Variants in DSCAM observed in about 807,000 individuals in gnomAD.
The protein encoded by DSCAM is DS cell adhesion molecule, also known as cell adhesion molecule DSCAM.
Under a neutral mutation model 217.7 loss-of-function variants are expected in DSCAM, and 47 were observed. That is an observed-to-expected ratio of 0.22 (90% CI 0.17 to 0.28). The LOEUF (loss-of-function observed/expected upper bound fraction) is 0.28, where lower values mean the gene tolerates loss of function less well. DSCAM is among the 10% of genes least tolerant of loss of function. The pLI, the probability that DSCAM is intolerant of heterozygous loss-of-function variation, is 1.00. For missense variants in DSCAM, 2,080 were observed against 2,618.3 expected, an observed-to-expected ratio of 0.79 and a Z score of 4.49; for synonymous variants, 1,056 against 1,015.3, an observed-to-expected ratio of 1.04 and a Z score of -0.76.
chr21:40,345,564 T>A (rs73355324), intron 6 of DSCAM, among the ~76,000 whole-genome samples: 300 of 152,206 alleles, frequency 2.0e-3, no homozygotes, highest in African/African-American at 6.8e-3. Context: ...CCTGAACTTA[T>A]AATTATTAAA....
At chr21:40,487,478 G>A (rs991649984) in intron 3 of DSCAM, among the ~76,000 whole-genome samples, 3 of 152,082 alleles carry the variant, frequency 2.0e-5, no homozygotes, top group East Asian at 3.9e-4. Context: ...GGCTGGAGGG[G>A]GCTGCTGGAG....
intron 20 of DSCAM, among the ~76,000 whole-genome samples, chr21:40,115,422 G>A (rs572599566): frequency 2.0e-5 from 3 of 152,268 alleles, no homozygotes; most frequent in Admixed American, 2.0e-4. Flanking sequence ...TGTGGGGTGC[G>A]GGGACGGGGG....
chr21:40,244,747 G>A (rs563800962), intron 11 of DSCAM, among the ~76,000 whole-genome samples: 100 of 152,136 alleles, frequency 6.6e-4, no homozygotes, highest in Non-Finnish European at 1.2e-3. Context: ...AGCCAGAAAA[G>A]CCCCAGAAGT....
chr21:40,064,818 G>T (rs1235466332), intron 27 of DSCAM, among the ~76,000 whole-genome samples: 1 of 152,186 alleles, frequency 6.6e-6, no homozygotes, highest in Non-Finnish European at 1.5e-5. Flanking sequence ...GAGCTAAGGA[G>T]ATGTGACTTT....
intron 1 of DSCAM, among the ~76,000 whole-genome samples, chr21:40,776,471 G>T (rs1000204015): frequency 3.3e-5 from 5 of 152,188 alleles, no homozygotes; most frequent in Non-Finnish European, 5.9e-5. Flanking sequence ...GATCTCTGAT[G>T]CTCTGAGATA....
intron 2 of DSCAM, among the ~76,000 whole-genome samples, chr21:40,697,726 T>C (rs189791809): frequency 1.3e-5 from 2 of 152,374 alleles, no homozygotes; most frequent in African/African-American, 4.8e-5. Flanking sequence ...TGCTATAGTA[T>C]GCCAGTACTA....
In DSCAM at chr21:40,347,666, T is replaced by C; in HGVS notation, c.1210+4A>G. The C allele has an allele frequency of 6.2e-7, 1 of 1,613,420 alleles. No individual in the cohort carries two copies. The highest frequency in any genetic ancestry group is 8.5e-7 in the Non-Finnish European group (1 of 1,179,822). ...AGCCATACCCTGAAACGAGGCCCAC[T>C]GACCTTCAAGGACCACCTGCACATA... On this transcript the variant is annotated splice_donor_region_variant and intron_variant, in intron 6 of 32. Transcript: ENST00000400454.
At chr21:40,818,560 A>C (rs1488421328) in intron 1 of DSCAM, among the ~76,000 whole-genome samples, 59 of 94,456 alleles carry the variant, frequency 6.2e-4, no homozygotes, top group African/African-American at 5.3e-3. Context: ...AAAAAAAAAA[A>C]AAAAAAAAAA....
intron 11 of DSCAM, among the ~76,000 whole-genome samples, chr21:40,266,655 AT>A (rs1569031941): frequency 1.8e-4 from 22 of 124,972 alleles, no homozygotes; most frequent in African/African-American, 6.7e-4. Context: ...ATATATATAT[AT>A]ATATATATAT....
At chr21:40,087,334 C>A in intron 21 of DSCAM, 47 bp from the exon 22 acceptor site, 1 of 1,468,296 alleles carries the variant, frequency 6.8e-7, no homozygotes, top group South Asian at 1.1e-5. Flanking sequence ...ACAGACGTGT[C>A]TACACAGAGG....
intron 1 of DSCAM, among the ~76,000 whole-genome samples, chr21:40,743,903 G>A (rs1314775866): frequency 6.6e-6 from 1 of 152,132 alleles, no homozygotes; most frequent in East Asian, 1.9e-4. Flanking sequence ...CAGAATAGAA[G>A]ACACCCTGAC....
At chr21:40,664,304 CA>C (rs2090175187) in intron 3 of DSCAM, among the ~76,000 whole-genome samples, 1 of 152,160 alleles carries the variant, frequency 6.6e-6, no homozygotes, top group African/African-American at 2.4e-5. Flanking sequence ...TGTATTTTCT[CA>C]TCATATTTGT....
intron 1 of DSCAM, among the ~76,000 whole-genome samples, chr21:40,733,601 C>T (rs2091034456): frequency 6.6e-6 from 1 of 152,198 alleles, no homozygotes; most frequent in Non-Finnish European, 1.5e-5. Flanking sequence ...TGCCTCTGAG[C>T]ATGGCACCCA....
At chr21:40,020,455 C>T (rs1044217259) in intron 32 of DSCAM, among the ~76,000 whole-genome samples, 1 of 151,744 alleles carries the variant, frequency 6.6e-6, no homozygotes, top group African/African-American at 2.4e-5. Flanking sequence ...AGGGGAGGGA[C>T]AAAGAGGTAG....
chr21:40,166,490 A>G (rs961373173), intron 16 of DSCAM, among the ~76,000 whole-genome samples: 1 of 152,224 alleles, frequency 6.6e-6, no homozygotes, highest in Non-Finnish European at 1.5e-5. Flanking sequence ...TACTGACCTG[A>G]AGGCCATGGA....
intron 3 of DSCAM, among the ~76,000 whole-genome samples, chr21:40,400,900 A>G (rs2075227808): frequency 6.6e-6 from 1 of 152,234 alleles, no homozygotes; most frequent in Non-Finnish European, 1.5e-5. Context: ...ACAGGTTTCA[A>G]TATATAACAC....
chr21:40,548,849 G>C lies in DSCAM; in HGVS notation c.508+143961C>G, dbSNP rs543503651. Among the ~76,000 whole-genome samples, 7 of 152,294 alleles carry C rather than the reference G, an allele frequency of 4.6e-5. No homozygotes were observed. The East Asian group carries it at 1.3e-3, about 29-fold the overall frequency. ...AGTAGTACACAGCGATATTTTATCTGAGAGTGGCCCAAAGAATTAAAAATC... is the reference window on the plus strand; with the variant it reads ...AGTAGTACACAGCGATATTTTATCTCAGAGTGGCCCAAAGAATTAAAAATC... On this transcript the variant is annotated intron_variant, in intron 3 of 32. Transcript: ENST00000400454.
chr21:40,411,823 C>A (rs1228470460), intron 3 of DSCAM, among the ~76,000 whole-genome samples: 1 of 152,136 alleles, frequency 6.6e-6, no homozygotes, highest in African/African-American at 2.4e-5. Flanking sequence ...ACACCTTAGA[C>A]TAGTTTCTCA....
chr21:40,058,212 C>T (rs551896170), intron 28 of DSCAM, among the ~76,000 whole-genome samples: 8 of 152,112 alleles, frequency 5.3e-5, no homozygotes, highest in South Asian at 2.1e-4. Flanking sequence ...TGGCTGTTCC[C>T]GTTGTTTAGA....
Sources: gnomAD v4.1 joint callset for allele counts (sites outside exome capture counted in the v4.1 genomes callset) on GRCh38, gnomAD v4.1.1 for gene constraint, MANE v1.5 for transcripts, NCBI Gene and HGNC (gene_info 2026-07-23, HGNC 2026-07-21) for gene names.